CNNM2: variants seen among roughly 807,000 people sequenced by gnomAD.
The protein encoded by CNNM2 is cyclin and CBS domain divalent metal cation transport mediator 2, also known as metal transporter CNNM2.
A neutral mutation model predicts 66.9 loss-of-function variants in CNNM2; 12 were observed. The observed-to-expected ratio is 0.18, with a 90% CI of 0.11 to 0.29. CNNM2 has a LOEUF of 0.29. CNNM2 is among the 10% of genes least tolerant of loss of function. CNNM2 has a pLI of 1.00. For missense variants in CNNM2, 705 were observed against 1,167.7 expected, an observed-to-expected ratio of 0.60 and a Z score of 5.77; for synonymous variants, 557 against 501.8, an observed-to-expected ratio of 1.11 and a Z score of -1.47.
chr10:103,025,117 C>G (rs750271111), intron 1 of CNNM2, among the ~76,000 whole-genome samples: 7 of 151,864 alleles, frequency 4.6e-5, no homozygotes, highest in Non-Finnish European at 8.8e-5. Context: ...TTTGAGACAG[C>G]GTCTCGCCCT....
At chr10:102,930,395 A>G (rs1428463022) in intron 1 of CNNM2, among the ~76,000 whole-genome samples, 1 of 152,242 alleles carries the variant, frequency 6.6e-6, no homozygotes. Flanking sequence ...AACTTTGTAC[A>G]TGATATACCT....
At chr10:103,070,893 G>C (rs1010682422) in intron 5 of CNNM2, among the ~76,000 whole-genome samples, 1 of 152,088 alleles carries the variant, frequency 6.6e-6, no homozygotes, top group Non-Finnish European at 1.5e-5. Flanking sequence ...GCACGCCACT[G>C]TACTCCAGCC....
At chr10:103,056,067 G>A in intron 3 of CNNM2, among the ~76,000 whole-genome samples, 1 of 147,550 alleles carries the variant, frequency 6.8e-6, no homozygotes, top group African/African-American at 2.5e-5. Context: ...CAGCCTGGGT[G>A]ACAGAGTGAG....
At chr10:103,045,694 A>G (rs2065117210) in intron 1 of CNNM2, among the ~76,000 whole-genome samples, 1 of 150,732 alleles carries the variant, frequency 6.6e-6, no homozygotes, top group South Asian at 2.1e-4. Context: ...GGCTTCATTT[A>G]TGGATATGTT....
intron 1 of CNNM2, among the ~76,000 whole-genome samples, chr10:102,971,900 A>G (rs941398945): frequency 6.6e-6 from 1 of 151,906 alleles, no homozygotes; most frequent in East Asian, 1.9e-4. Flanking sequence ...GAGACTGAAC[A>G]TTTTCCTTAT....
intron 1 of CNNM2, among the ~76,000 whole-genome samples, chr10:103,035,247 T>C (rs1448649604): frequency 2.0e-5 from 3 of 152,128 alleles, no homozygotes; most frequent in Non-Finnish European, 4.4e-5. Flanking sequence ...AAGACAGAAA[T>C]AGTCTCATTG....
chr10:103,062,537 A>G (rs1319675178), intron 4 of CNNM2, among the ~76,000 whole-genome samples: 1 of 152,246 alleles, frequency 6.6e-6, no homozygotes, highest in Non-Finnish European at 1.5e-5. Context: ...TTGACTAGGT[A>G]TAAGATTCCT....
chr10:103,061,008 T>C (rs991270635), intron 4 of CNNM2, among the ~76,000 whole-genome samples: 1 of 152,198 alleles, frequency 6.6e-6, no homozygotes. Context: ...TTTTAAGAAA[T>C]CTTATTCCTT....
intron 1 of CNNM2, among the ~76,000 whole-genome samples, chr10:102,946,336 G>A (rs1846617339): frequency 6.6e-6 from 1 of 152,154 alleles, no homozygotes; most frequent in South Asian, 2.1e-4. Context: ...CAGTTGATTT[G>A]ACTGGCTCTT....
intron 4 of CNNM2, among the ~76,000 whole-genome samples, chr10:103,057,686 G>T (rs2065318615): frequency 6.6e-6 from 1 of 152,168 alleles, no homozygotes; most frequent in Non-Finnish European, 1.5e-5. Context: ...GCTTCTTAGA[G>T]ATATCTTAGC....
At chr10:102,925,324 A>G (rs1457595942) in intron 1 of CNNM2, among the ~76,000 whole-genome samples, 1 of 150,664 alleles carries the variant, frequency 6.6e-6, no homozygotes, top group African/African-American at 2.5e-5. Flanking sequence ...AAAAAAAAAA[A>G]AAGATTTACT....
intron 1 of CNNM2, among the ~76,000 whole-genome samples, chr10:102,980,690 T>C (rs1368201938): frequency 6.6e-6 from 1 of 152,236 alleles, no homozygotes; most frequent in Non-Finnish European, 1.5e-5. Context: ...GTTATAATTA[T>C]CAGATTTAAG....
chr10:102,996,643 T>C (rs2064009639), intron 1 of CNNM2, among the ~76,000 whole-genome samples: 1 of 152,220 alleles, frequency 6.6e-6, no homozygotes, highest in African/African-American at 2.4e-5. Context: ...GTGATTGCCC[T>C]ACTATATTCC....
intron 1 of CNNM2, among the ~76,000 whole-genome samples, chr10:102,951,560 G>C (rs1163832082): frequency 6.6e-6 from 1 of 151,904 alleles, no homozygotes; most frequent in Non-Finnish European, 1.5e-5. Context: ...TGCTTTTAAG[G>C]ATAACTTGCC....
intron 1 of CNNM2, among the ~76,000 whole-genome samples, chr10:102,998,412 TG>T (rs1272112796): frequency 2.0e-5 from 3 of 152,206 alleles, no homozygotes; most frequent in African/African-American, 7.2e-5. Context: ...GCAGCTCAAA[TG>T]TATTCTAGAT....
chr10:103,014,668 ATT>A (rs376923091), intron 1 of CNNM2, among the ~76,000 whole-genome samples: 95 of 152,228 alleles, frequency 6.2e-4, no homozygotes, highest in African/African-American at 2.0e-3. Flanking sequence ...AAAAATGCCT[ATT>A]TGCTTGTTTT....
intron 1 of CNNM2, among the ~76,000 whole-genome samples, chr10:102,976,385 G>A (rs1218350893): frequency 7.5e-6 from 1 of 134,002 alleles, no homozygotes; most frequent in African/African-American, 2.8e-5. Flanking sequence ...TTGGTACTGT[G>A]TAACATTATG....
chr10:103,066,464 C>T (rs997069635), intron 4 of CNNM2, among the ~76,000 whole-genome samples: 2 of 152,158 alleles, frequency 1.3e-5, no homozygotes, highest in African/African-American at 2.4e-5. Flanking sequence ...CTGCCACCCT[C>T]GTGGAAGCAG....
Position 102,934,984 on chromosome 10 carries a change from C to A in CNNM2, c.1621+14883C>A, listed in dbSNP as rs541363648. ...GACCAGCCTGACCAAGATGGTGAAA[C>A]CCCGACTCTACCAAAAATACAAAAA... On this transcript the variant is annotated intron_variant, in intron 1 of 7. Coordinates refer to ENST00000369878, the MANE Select transcript of CNNM2 (RefSeq NM_017649.5). Among the ~76,000 whole-genome samples the A allele has an allele frequency of 2.0e-4, 31 of 151,340 alleles. No individual in the cohort carries two copies. In the South Asian group the frequency reaches 2.7e-3, roughly 13 times the overall value.
Sources: gnomAD v4.1 joint callset for allele counts (sites outside exome capture counted in the v4.1 genomes callset) on GRCh38, gnomAD v4.1.1 for gene constraint, MANE v1.5 for transcripts, NCBI Gene and HGNC (gene_info 2026-07-23, HGNC 2026-07-21) for gene names.